The following RUNDC3B variants were observed in gnomAD, a reference collection of about 807,000 sequenced individuals.
RUNDC3B encodes the protein RUN domain-containing protein 3B.
A neutral mutation model predicts 58.4 loss-of-function variants in RUNDC3B; 33 were observed. That is an observed-to-expected ratio of 0.56 (90% CI 0.43 to 0.75). The LOEUF (loss-of-function observed/expected upper bound fraction) is 0.75, where lower values mean the gene tolerates loss of function less well. Among genes scored for constraint, RUNDC3B ranks in the 30% least tolerant of loss-of-function variants. The pLI is 0.00. For missense variants in RUNDC3B, 501 were observed against 535.7 expected (o/e 0.94, Z 0.64); for synonymous variants, 193 against 195.2 (o/e 0.99, Z 0.10).
At position 87,770,561 on chromosome 7, in the gene RUNDC3B, TAAAA is replaced by T; in HGVS notation, c.630-19_630-16del. 1.3e-6 allele frequency: 2 copies of T among 1,589,308 alleles called. No homozygotes were observed. The highest frequency in any genetic ancestry group is 1.8e-5 in the Admixed American group (1 of 55,312). On this transcript the variant is annotated splice_polypyrimidine_tract_variant and intron_variant, in intron 6 of 10. Coordinates refer to ENST00000394654, the MANE Select transcript of RUNDC3B (RefSeq NM_001134405.2). Reference sequence around the variant, plus strand: ...TTGGAACATATTTTTAACTTTTTTTTAAAATTTTGATCTTCCCAGTTCTGATAGT... The same window carrying T: ...TTGGAACATATTTTTAACTTTTTTTTTTTTGATCTTCCCAGTTCTGATAGT...
chr7:87,821,752 C>G (rs1448795266), intron 10 of RUNDC3B, among the ~76,000 whole-genome samples: 2 of 152,204 alleles, frequency 1.3e-5, no homozygotes, highest in African/African-American at 2.4e-5. Flanking sequence ...CTACAACCAT[C>G]TGATCTTTGA....
At chr7:87,661,555 A>G (rs1206719807) in intron 2 of RUNDC3B, among the ~76,000 whole-genome samples, 1 of 151,892 alleles carries the variant, frequency 6.6e-6, no homozygotes, top group Non-Finnish European at 1.5e-5. Context: ...GTCATTTAAC[A>G]TAATGTCCTC....
chr7:87,772,682 C>T (rs576487006), intron 7 of RUNDC3B, among the ~76,000 whole-genome samples: 1 of 151,676 alleles, frequency 6.6e-6, no homozygotes, highest in Non-Finnish European at 1.5e-5. Context: ...AAAGCTTGAT[C>T]GATATAATAG....
intron 1 of RUNDC3B, among the ~76,000 whole-genome samples, chr7:87,645,228 A>G (rs1474123651): frequency 6.6e-6 from 1 of 151,850 alleles, no homozygotes; most frequent in Non-Finnish European, 1.5e-5. Flanking sequence ...GATTACAGGC[A>G]TGTGCCACCA....
intron 8 of RUNDC3B, among the ~76,000 whole-genome samples, chr7:87,800,053 C>A (rs761838546): frequency 6.6e-6 from 1 of 152,118 alleles, no homozygotes; most frequent in Non-Finnish European, 1.5e-5. Flanking sequence ...AATATATTAT[C>A]TTATCAAAAT....
intron 4 of RUNDC3B, among the ~76,000 whole-genome samples, chr7:87,728,930 G>A (rs1584025924): frequency 6.6e-6 from 1 of 152,124 alleles, no homozygotes. Flanking sequence ...TAATAAACTT[G>A]CCTTCTTTCC....
At chr7:87,747,116 A>T (rs931095592) in intron 6 of RUNDC3B, among the ~76,000 whole-genome samples, 1 of 152,118 alleles carries the variant, frequency 6.6e-6, no homozygotes, top group Non-Finnish European at 1.5e-5. Context: ...GTCAGAGGGA[A>T]GGTCTAGGGC....
rs1270297604 is a variant in RUNDC3B at position 87,733,133 on chromosome 7, C to A, written c.459-6658C>A. ...CCTATCTTATCCATATGGACAGGCG[C>A]CCCCCCATGCGTCTGTTTATAGGCT... On this transcript the variant is annotated intron_variant, in intron 4 of 10. Coordinates refer to ENST00000394654, the MANE Select transcript of RUNDC3B (RefSeq NM_001134405.2). Among the ~76,000 whole-genome samples, 7 of 122,210 alleles carry A rather than the reference C, an allele frequency of 5.7e-5. No individual in the cohort carries two copies. The South Asian group carries it at 1.7e-3, about 29-fold the overall frequency. 80.2% of individuals were successfully genotyped at this position (122,210 alleles called of 152,430 possible).
At chr7:87,688,156 A>G (rs1453571566) in intron 2 of RUNDC3B, among the ~76,000 whole-genome samples, 1 of 152,114 alleles carries the variant, frequency 6.6e-6, no homozygotes, top group Non-Finnish European at 1.5e-5. Flanking sequence ...AAATTCAGGA[A>G]AGGTGAAGCA....
intron 6 of RUNDC3B, among the ~76,000 whole-genome samples, chr7:87,766,041 A>G (rs1288449557): frequency 3.3e-5 from 5 of 152,168 alleles, no homozygotes; most frequent in African/African-American, 4.8e-5. Flanking sequence ...TTATCATTAT[A>G]TAATGACCTT....
intron 2 of RUNDC3B, among the ~76,000 whole-genome samples, chr7:87,684,146 A>G (rs985196353): frequency 1.3e-5 from 2 of 152,224 alleles, no homozygotes; most frequent in Non-Finnish European, 1.5e-5. Context: ...ACTTCCTTAA[A>G]GGGCATCTAC....
At chr7:87,718,045 T>C (rs1415194123) in intron 4 of RUNDC3B, among the ~76,000 whole-genome samples, 1 of 152,180 alleles carries the variant, frequency 6.6e-6, no homozygotes, top group African/African-American at 2.4e-5. Context: ...TTCATTGATA[T>C]AAAAACCATA....
rs762790424 is a variant in RUNDC3B at position 87,658,257 on chromosome 7, A to C, written c.238+7320A>C. Among the ~76,000 whole-genome samples the C allele has an allele frequency of 2.0e-5, 3 of 152,208 alleles. No individual in the cohort carries two copies. The East Asian group carries it at 5.8e-4, about 29-fold the overall frequency. On this transcript the variant is annotated intron_variant, in intron 2 of 10. Coordinates refer to ENST00000394654, the MANE Select transcript of RUNDC3B (RefSeq NM_001134405.2). ...TGCTGAAAAAATATGAAACTGAAAA[A>C]GTTCAGTGGATGGACCCAACAGGAA...
chr7:87,726,879 C>T (rs1200846030), intron 4 of RUNDC3B, among the ~76,000 whole-genome samples: 5 of 152,062 alleles, frequency 3.3e-5, no homozygotes, highest in Non-Finnish European at 5.9e-5. Flanking sequence ...CATGATTTGG[C>T]TCTCTGTTTG....
At chr7:87,644,485 TACGTTCTATTAAAAACATC>T (rs1822783475) in intron 1 of RUNDC3B, among the ~76,000 whole-genome samples, 1 of 152,218 alleles carries the variant, frequency 6.6e-6, no homozygotes, top group South Asian at 2.1e-4. Flanking sequence ...TTTGGATACT[TACGTTCTATTAAAAACATC>T]ACTCTTATTA....
chr7:87,806,739 T>C (rs1836453968), intron 8 of RUNDC3B, among the ~76,000 whole-genome samples: 1 of 152,202 alleles, frequency 6.6e-6, no homozygotes, highest in Non-Finnish European at 1.5e-5. Context: ...TTACAGTGTT[T>C]TATACTGCTC....
intron 1 of RUNDC3B, among the ~76,000 whole-genome samples, chr7:87,646,783 G>A (rs547509994): frequency 7.9e-5 from 12 of 152,140 alleles, no homozygotes; most frequent in Non-Finnish European, 1.0e-4. Flanking sequence ...TGAGATGGAC[G>A]TAGGAAATAA....
chr7:87,821,613 A>G (rs562065586), intron 10 of RUNDC3B, among the ~76,000 whole-genome samples: 2 of 152,334 alleles, frequency 1.3e-5, no homozygotes, highest in East Asian at 1.9e-4. Flanking sequence ...ACAAAGCCAG[A>G]GGCATCACGC....
At chr7:87,821,236 T>A (rs1261596360) in intron 10 of RUNDC3B, among the ~76,000 whole-genome samples, 2 of 152,092 alleles carry the variant, frequency 1.3e-5, no homozygotes, top group Non-Finnish European at 2.9e-5. Flanking sequence ...AGCATTCTTA[T>A]ACACCAATAA....
Sources: gnomAD v4.1 joint callset for allele counts (sites outside exome capture counted in the v4.1 genomes callset) on GRCh38, gnomAD v4.1.1 for gene constraint, MANE v1.5 for transcripts, NCBI Gene and HGNC (gene_info 2026-07-23, HGNC 2026-07-21) for gene names.